The following RALGPS1 variants were observed in gnomAD, a reference collection of about 807,000 sequenced individuals.
The protein encoded by RALGPS1 is Ral GEF with PH domain and SH3 binding motif 1.
Under a neutral mutation model 78.8 loss-of-function variants are expected in RALGPS1, and 19 were observed. That is an observed-to-expected ratio of 0.24 (90% CI 0.17 to 0.35). The LOEUF (loss-of-function observed/expected upper bound fraction) is 0.35. Among genes scored for constraint, RALGPS1 ranks in the 10% least tolerant of loss-of-function variants. The pLI is 1.00. For synonymous variants in RALGPS1, 228 were observed against 256.3 expected, an observed-to-expected ratio of 0.89 and a Z score of 1.06; for missense variants, 454 against 688.3, an observed-to-expected ratio of 0.66 and a Z score of 3.81.
intron 17 of RALGPS1, 61 bp from the exon 18 acceptor site, chr9:127,214,690 A>C (rs2062474212): frequency 1.9e-6 from 3 of 1,555,466 alleles, no homozygotes; most frequent in Non-Finnish European, 2.6e-6. Context: ...TCTTTATGCC[A>C]GTCACCAGCT....
rs1325620305 is a variant in RALGPS1 at position 127,212,398 on chromosome 9, TA to T, written c.1353+166del. On this transcript the variant is annotated intron_variant, in intron 15 of 18. Transcript: ENST00000259351. The surrounding 1 kb of genome is among the most constrained non-coding windows in gnomAD (Gnocchi z 6.0). ...TCAGGAATTATACCTGACACTGCCG[TA>T]AAATGAACAAAGGGAAGGCTCCTTG... Among the ~76,000 whole-genome samples, 1 of 151,972 alleles carries T rather than the reference TA, an allele frequency of 6.6e-6. No homozygotes were observed. The highest frequency in any genetic ancestry group is 6.5e-5 in the Admixed American group (1 of 15,278).
intron 4 of RALGPS1, among the ~76,000 whole-genome samples, chr9:126,995,012 C>A (rs1278171452): frequency 2.0e-5 from 3 of 152,164 alleles, no homozygotes; most frequent in South Asian, 2.1e-4. Flanking sequence ...GCCTGCCCTA[C>A]AAGAGCTCCT....
At chr9:127,080,106 T>G (rs1208293954) in intron 8 of RALGPS1, among the ~76,000 whole-genome samples, 2 of 152,076 alleles carry the variant, frequency 1.3e-5, no homozygotes, top group African/African-American at 2.4e-5. Flanking sequence ...TGAGAGGTGA[T>G]GAGTTCTTGC....
At chr9:127,129,405 CAG>C (rs1240319643) in intron 8 of RALGPS1, among the ~76,000 whole-genome samples, 1 of 152,172 alleles carries the variant, frequency 6.6e-6, no homozygotes, top group South Asian at 2.1e-4. Flanking sequence ...ATATCCCAAA[CAG>C]GAGACAAGGT....
intron 8 of RALGPS1, among the ~76,000 whole-genome samples, chr9:127,112,330 G>T (rs2054908208): frequency 6.6e-6 from 1 of 152,202 alleles, no homozygotes; most frequent in African/African-American, 2.4e-5. Context: ...GAACAATGGG[G>T]AGGAGCCGCC....
At chr9:127,096,590 G>T (rs1175385610) in intron 8 of RALGPS1, among the ~76,000 whole-genome samples, 1 of 152,216 alleles carries the variant, frequency 6.6e-6, no homozygotes, top group African/African-American at 2.4e-5. Context: ...TGGGCGCCAT[G>T]AATGATCTCA....
At chr9:127,098,299 G>A (rs1011438251) in intron 8 of RALGPS1, among the ~76,000 whole-genome samples, 1 of 152,228 alleles carries the variant, frequency 6.6e-6, no homozygotes, top group Non-Finnish European at 1.5e-5. Context: ...ACCTAGCGGT[G>A]TTTAACTTGG....
chr9:127,005,239 A>G (rs2133742924), intron 4 of RALGPS1, among the ~76,000 whole-genome samples: 1 of 152,318 alleles, frequency 6.6e-6, no homozygotes, highest in African/African-American at 2.4e-5. Context: ...TGACATCTGT[A>G]CCTGCATGTT....
intron 4 of RALGPS1, among the ~76,000 whole-genome samples, chr9:127,013,142 G>A (rs1028373254): frequency 2.6e-5 from 4 of 152,164 alleles, no homozygotes; most frequent in African/African-American, 9.7e-5. Flanking sequence ...TTGAACACAG[G>A]TAAGGCAGTT....
intron 8 of RALGPS1, among the ~76,000 whole-genome samples, chr9:127,144,128 C>T (rs2057956548): frequency 6.6e-6 from 1 of 152,232 alleles, no homozygotes; most frequent in Non-Finnish European, 1.5e-5. Context: ...CCTCTCCACC[C>T]CATGTTCTGA....
At chr9:126,920,233 C>T (rs896922479) in intron 1 of RALGPS1, among the ~76,000 whole-genome samples, 3 of 152,098 alleles carry the variant, frequency 2.0e-5, no homozygotes, top group South Asian at 2.1e-4. Context: ...CTTATTTATA[C>T]GTCACCAGGT....
At chr9:127,121,074 G>A (rs2056031525) in intron 8 of RALGPS1, among the ~76,000 whole-genome samples, 1 of 152,186 alleles carries the variant, frequency 6.6e-6, no homozygotes, top group Admixed American at 6.5e-5. Flanking sequence ...TAGCCATGTA[G>A]CCATGGGCAC....
chr9:127,052,159 C>A (rs1028898041), intron 6 of RALGPS1, among the ~76,000 whole-genome samples: 1 of 152,166 alleles, frequency 6.6e-6, no homozygotes, highest in Non-Finnish European at 1.5e-5. Flanking sequence ...TTCCATAGAG[C>A]GTGCCTAATA....
chr9:127,115,753 T>C (rs1323930869), intron 8 of RALGPS1, among the ~76,000 whole-genome samples: 1 of 152,224 alleles, frequency 6.6e-6, no homozygotes, highest in East Asian at 1.9e-4. Flanking sequence ...CACAAGGGTG[T>C]GTTTTGTTGG....
intron 5 of RALGPS1, among the ~76,000 whole-genome samples, chr9:127,048,321 C>T (rs2047995013): frequency 6.6e-6 from 1 of 152,198 alleles, no homozygotes; most frequent in African/African-American, 2.4e-5. Context: ...TAAAGTCTAC[C>T]CATCTTTCAA....
At chr9:126,952,230 G>T (rs1201172117) in intron 1 of RALGPS1, among the ~76,000 whole-genome samples, 1 of 152,192 alleles carries the variant, frequency 6.6e-6, no homozygotes, top group East Asian at 1.9e-4. Context: ...CCTCCATGGA[G>T]GCCTAGCCCC....
chr9:127,196,583 G>T lies in RALGPS1; in HGVS notation c.1147G>T (p.Gly383Cys), dbSNP rs57728614. 6.7e-3 allele frequency: 10,786 copies of T among 1,613,650 alleles called. 394 individuals carry two copies. In the East Asian group the frequency reaches 0.093, roughly 14 times the overall value. ...CCTAGAGTCCCGCAGCCCCCGAAGG[G>T]GCCTGGCTCTGACCTCCTCCTCTGC... ...SVLESRSPRR[G>C]LALTSSSAVT... is the part of the protein sequence containing the mutation. Residue 383 changes from glycine (G) to cysteine (C), a missense_variant, in exon 13 of 19, where the codon GGC becomes TGC. Coordinates refer to ENST00000259351, the MANE Select transcript of RALGPS1 (RefSeq NM_014636.3).
At chr9:127,036,337 C>T (rs117187616) in intron 5 of RALGPS1, among the ~76,000 whole-genome samples, 3 of 152,200 alleles carry the variant, frequency 2.0e-5, no homozygotes, top group African/African-American at 7.2e-5. Flanking sequence ...GCGTCCCTTC[C>T]TGGCAGAATT....
chr9:127,180,898 G>A (rs777901490), intron 11 of RALGPS1, among the ~76,000 whole-genome samples: 48 of 152,222 alleles, frequency 3.2e-4, no homozygotes, highest in Non-Finnish European at 5.4e-4. Context: ...AGCTACAAGC[G>A]GGGGGCGCAG....
Sources: allele counts gnomAD v4.1 joint callset (sites outside exome capture counted in the v4.1 genomes callset), GRCh38; gene constraint gnomAD v4.1.1; non-coding constraint Gnocchi (gnomAD v3.1); transcripts MANE v1.5; gene names NCBI Gene and HGNC (gene_info 2026-07-23, HGNC 2026-07-21).